Variants in ROBO2 observed in about 807,000 individuals in gnomAD.
The protein encoded by ROBO2 is roundabout guidance receptor 2.
Under a neutral mutation model 160.8 loss-of-function variants are expected in ROBO2, and 53 were observed. The observed-to-expected ratio is 0.33, with a 90% confidence interval of 0.26 to 0.41. The LOEUF (loss-of-function observed/expected upper bound fraction) is 0.41, where lower values mean the gene tolerates loss of function less well. Ranked by LOEUF, ROBO2 falls within the 10% of genes least tolerant of loss-of-function variation. The pLI is 1.00. For synonymous variants in ROBO2, 664 were observed against 611.7 expected, an observed-to-expected ratio of 1.09 and a Z score of -1.26; for missense variants, 1,577 against 1,722.4, an observed-to-expected ratio of 0.92 and a Z score of 1.49.
chr3:77,170,797 T>A (rs567133379), intron 2 of ROBO2, among the ~76,000 whole-genome samples: 1 of 152,242 alleles, frequency 6.6e-6, no homozygotes, highest in African/African-American at 2.4e-5. Context: ...AATAAAATAA[T>A]CGACCCATGT....
chr3:76,148,311 A>G (rs568201958), intron 2 of ROBO2, among the ~76,000 whole-genome samples: 1 of 151,960 alleles, frequency 6.6e-6, no homozygotes, highest in South Asian at 2.1e-4. Flanking sequence ...TCCCCTAGAT[A>G]TACACCATCT....
intron 2 of ROBO2, among the ~76,000 whole-genome samples, chr3:76,327,838 C>A (rs567498343): frequency 1.3e-5 from 2 of 151,268 alleles, no homozygotes; most frequent in African/African-American, 2.4e-5. Context: ...ATATAGACAA[C>A]GGTGAATAGA....
intron 4 of ROBO2, among the ~76,000 whole-genome samples, chr3:77,490,541 T>C (rs2085969925): frequency 6.6e-6 from 1 of 152,228 alleles, no homozygotes; most frequent in Non-Finnish European, 1.5e-5. Context: ...TTCATTTCTC[T>C]TCCTATTATA....
At chr3:76,528,838 G>C (rs985708533) in intron 2 of ROBO2, among the ~76,000 whole-genome samples, 1 of 152,094 alleles carries the variant, frequency 6.6e-6, no homozygotes, top group African/African-American at 2.4e-5. Flanking sequence ...GAAACAACTG[G>C]AGATACTAAG....
intron 2 of ROBO2, among the ~76,000 whole-genome samples, chr3:76,887,643 A>G (rs2074012116): frequency 6.6e-6 from 1 of 152,106 alleles, no homozygotes; most frequent in Non-Finnish European, 1.5e-5. Flanking sequence ...TCTCTCAAAA[A>G]TATTTTTCTG....
chr3:76,813,862 T>C (rs1188007269), intron 2 of ROBO2, among the ~76,000 whole-genome samples: 1 of 152,138 alleles, frequency 6.6e-6, no homozygotes, highest in Admixed American at 6.6e-5. Context: ...TGAAATGCGA[T>C]GTAAACATGT....
intron 14 of ROBO2, among the ~76,000 whole-genome samples, chr3:77,577,000 G>A (rs2093783496): frequency 6.6e-6 from 1 of 152,128 alleles, no homozygotes; most frequent in African/African-American, 2.4e-5. Flanking sequence ...TGTCTTCTCA[G>A]AATAATTTTG....
intron 2 of ROBO2, among the ~76,000 whole-genome samples, chr3:77,320,597 C>T (rs1384108674): frequency 6.6e-6 from 1 of 151,602 alleles, no homozygotes; most frequent in Non-Finnish European, 1.5e-5. Flanking sequence ...TAAACATTGT[C>T]ATTACATTTA....
At chr3:75,938,575 T>C (rs1947899903) in intron 2 of ROBO2, among the ~76,000 whole-genome samples, 1 of 152,098 alleles carries the variant, frequency 6.6e-6, no homozygotes, top group African/African-American at 2.4e-5. Context: ...CCAGATAAAA[T>C]TGAAAGTGTG....
chr3:77,134,453 C>T (rs1309681182), intron 2 of ROBO2, among the ~76,000 whole-genome samples: 1 of 152,104 alleles, frequency 6.6e-6, no homozygotes, highest in African/African-American at 2.4e-5. Context: ...CCTTGCTTTC[C>T]AGGTATCTGG....
At chr3:76,999,219 G>A (rs747038556) in intron 2 of ROBO2, among the ~76,000 whole-genome samples, 2 of 151,808 alleles carry the variant, frequency 1.3e-5, no homozygotes, top group Non-Finnish European at 2.9e-5. Flanking sequence ...AATAGATTGT[G>A]GAATGAACTC....
At chr3:76,109,153 A>G (rs1418625119) in intron 2 of ROBO2, among the ~76,000 whole-genome samples, 2 of 152,058 alleles carry the variant, frequency 1.3e-5, no homozygotes, top group Non-Finnish European at 2.9e-5. Flanking sequence ...CACAAGCACA[A>G]TAAAGTGTAT....
At chr3:76,291,869 T>G (rs1708819282) in intron 2 of ROBO2, among the ~76,000 whole-genome samples, 1 of 152,138 alleles carries the variant, frequency 6.6e-6, no homozygotes, top group Non-Finnish European at 1.5e-5. Flanking sequence ...ATTGTGCTGT[T>G]GTCCAAGGGT....
intron 2 of ROBO2, among the ~76,000 whole-genome samples, chr3:77,100,559 C>A (rs1406578644): frequency 6.6e-6 from 1 of 151,464 alleles, no homozygotes; most frequent in Non-Finnish European, 1.5e-5. Flanking sequence ...GTTAAATTGG[C>A]CTTCATATTT....
In ROBO2 at chr3:76,970,548, A is replaced by G. The variant is rs538512633; in HGVS notation, c.110-127466A>G. ...GCATTTGCCGGCTTCCATTTTCACC[A>G]GCTTAAATCTACAAGCTGCAGAAGG... On this transcript the variant is annotated intron_variant, in intron 2 of 26. Coordinates refer to the ROBO2 transcript ENST00000487694. Among the ~76,000 whole-genome samples, 16 of 152,266 alleles carry G rather than the reference A, an allele frequency of 1.1e-4. No individual in the cohort carries two copies. The South Asian group carries it at 3.3e-3, about 32-fold the overall frequency.
intron 2 of ROBO2, among the ~76,000 whole-genome samples, chr3:76,405,802 G>GA (rs2078092646): frequency 6.6e-6 from 1 of 151,682 alleles, no homozygotes. Context: ...GGAGTTGAGG[G>GA]AATCACTTTT....
chr3:76,300,219 A>G (rs1398443390), intron 2 of ROBO2, among the ~76,000 whole-genome samples: 1 of 152,034 alleles, frequency 6.6e-6, no homozygotes, highest in Non-Finnish European at 1.5e-5. Context: ...CTGTGTGTTG[A>G]TAAGAAATCT....
rs547807116 is a variant in ROBO2 at position 76,283,136 on chromosome 3, G to GTATATATATATA, written c.109+345539_109+345550dup. Among the ~76,000 whole-genome samples, 631 of 63,536 alleles carry GTATATATATATA rather than the reference G, an allele frequency of 9.9e-3. 67 individuals carry two copies. The South Asian group carries it at 0.11, about 11-fold the overall frequency. 41.7% of individuals were successfully genotyped at this position (63,536 alleles called of 152,430 possible). A position where few individuals can be genotyped will look rare whatever the true frequency, so the allele number is the denominator to read the frequency against. ...GTTATATATGTATATATATAAAACT[G>GTATATATATATA]TATATATATATATATAAAACTACAT... On this transcript the variant is annotated intron_variant, in intron 2 of 26. Coordinates refer to the ROBO2 transcript ENST00000487694.
intron 20 of ROBO2, chr3:77,602,940 C>T: frequency 2.2e-6 from 1 of 457,682 alleles, no homozygotes; most frequent in Non-Finnish European, 4.4e-6. Context: ...CTTAGCCTTA[C>T]TTTACATTCC....
Sources: allele counts gnomAD v4.1 joint callset (sites outside exome capture counted in the v4.1 genomes callset), GRCh38; gene constraint gnomAD v4.1.1; transcripts MANE v1.5; gene names NCBI Gene and HGNC (gene_info 2026-07-23, HGNC 2026-07-21).